ARL15: variants seen among roughly 807,000 people sequenced by gnomAD.
The protein encoded by ARL15 is ADP-ribosylation factor-like protein 15.
In ARL15, 19 loss-of-function variants were observed where a neutral mutation model predicts 25.2. The ratio of observed to expected loss-of-function variants is 0.75; its 90% CI spans 0.53 to 1.10. The LOEUF is 1.10. Ranked by LOEUF, ARL15 falls within the 50% of genes least tolerant of loss-of-function variation. The probability of loss-of-function intolerance (pLI) is 0.00; values close to 1 mark genes in which losing one functional copy is unlikely to be tolerated. For missense variants in ARL15, 220 were observed against 246.0 expected (o/e 0.89, Z 0.71); for synonymous variants, 94 against 86.8 (o/e 1.08, Z -0.46).
chr5:54,179,365 A>T (rs1754980073), intron 1 of ARL15, among the ~76,000 whole-genome samples: 1 of 152,124 alleles, frequency 6.6e-6, no homozygotes, highest in Non-Finnish European at 1.5e-5. Context: ...GAGGAGGTGA[A>T]AGAGTGCTTT....
chr5:54,122,507 A>G (rs1753114064), intron 3 of ARL15, among the ~76,000 whole-genome samples: 1 of 152,274 alleles, frequency 6.6e-6, no homozygotes. Flanking sequence ...GTATACATAC[A>G]CATACATATA....
intron 4 of ARL15, chr5:53,887,359 T>C: frequency 1.4e-6 from 1 of 701,328 alleles, no homozygotes; most frequent in African/African-American, 1.7e-5. Flanking sequence ...TCTACCTTTT[T>C]TTTTCTTTTT....
intron 4 of ARL15, among the ~76,000 whole-genome samples, chr5:53,992,679 CTCTACCATGTTAGATGCCCA>C (rs1005647843): frequency 2.6e-5 from 4 of 152,058 alleles, no homozygotes; most frequent in African/African-American, 9.7e-5. Flanking sequence ...ATGTCATGGA[CTCTACCATGTTAGATGCCCA>C]TCCATCTCAA....
chr5:54,200,192 C>T (rs1755676408), intron 1 of ARL15, among the ~76,000 whole-genome samples: 1 of 151,016 alleles, frequency 6.6e-6, no homozygotes, highest in Non-Finnish European at 1.5e-5. Flanking sequence ...ATACATAATG[C>T]TAGATGACGA....
intron 4 of ARL15, among the ~76,000 whole-genome samples, chr5:54,040,371 C>T (rs1750300282): frequency 1.3e-5 from 2 of 152,230 alleles, no homozygotes; most frequent in East Asian, 1.9e-4. Flanking sequence ...TCAAGTCTAA[C>T]AAGATATTTG....
chr5:53,891,859 A>C (rs563928093), intron 4 of ARL15, among the ~76,000 whole-genome samples: 4 of 152,330 alleles, frequency 2.6e-5, no homozygotes, highest in African/African-American at 7.2e-5. Flanking sequence ...AGAGTGTGAG[A>C]AGGCAGCTCG....
At chr5:54,198,989 G>A (rs1257837492) in intron 1 of ARL15, among the ~76,000 whole-genome samples, 2 of 151,560 alleles carry the variant, frequency 1.3e-5, no homozygotes, top group African/African-American at 2.4e-5. Flanking sequence ...CAGAAATAAT[G>A]CCACATATCT....
chr5:54,206,048 G>C (rs557554033), intron 1 of ARL15, among the ~76,000 whole-genome samples: 1 of 152,070 alleles, frequency 6.6e-6, no homozygotes. Context: ...AATGATACCA[G>C]ATTAAGAGAA....
chr5:54,240,041 C>T, intron 1 of ARL15, among the ~76,000 whole-genome samples: 1 of 152,028 alleles, frequency 6.6e-6, no homozygotes, highest in Non-Finnish European at 1.5e-5. Context: ...TCCTGGCTAA[C>T]ACGGTGAAAC....
chr5:53,927,001 G>A (rs1017027732), intron 4 of ARL15, among the ~76,000 whole-genome samples: 18 of 149,118 alleles, frequency 1.2e-4, no homozygotes, highest in African/African-American at 2.7e-4. Context: ...ATCTTCCTCC[G>A]TTTTAATTTT....
At chr5:54,076,727 C>A (rs1395809919) in intron 4 of ARL15, among the ~76,000 whole-genome samples, 1 of 151,728 alleles carries the variant, frequency 6.6e-6, no homozygotes, top group Admixed American at 6.6e-5. Context: ...AATTACAACA[C>A]TTAAAAGATG....
At chr5:54,100,053 C>G (rs1752392684) in intron 4 of ARL15, among the ~76,000 whole-genome samples, 1 of 152,032 alleles carries the variant, frequency 6.6e-6, no homozygotes, top group Non-Finnish European at 1.5e-5. Context: ...CTTGCATATA[C>G]AAGGAGACAT....
At chr5:53,917,721 T>C (rs573953370) in intron 4 of ARL15, among the ~76,000 whole-genome samples, 11 of 152,304 alleles carry the variant, frequency 7.2e-5, no homozygotes, top group African/African-American at 2.6e-4. Context: ...CCTTTTCTGA[T>C]ACTCAAGCTG....
chr5:54,168,513 G>A (rs1754639133), intron 2 of ARL15, among the ~76,000 whole-genome samples: 2 of 151,478 alleles, frequency 1.3e-5, no homozygotes, highest in South Asian at 4.2e-4. Flanking sequence ...TTTTACAGTA[G>A]CAGTAACATC....
At chr5:54,124,435 C>A (rs1409133902) in intron 3 of ARL15, among the ~76,000 whole-genome samples, 1 of 152,020 alleles carries the variant, frequency 6.6e-6, no homozygotes, top group Non-Finnish European at 1.5e-5. Flanking sequence ...TTCTTATATA[C>A]AAATGACTGA....
intron 4 of ARL15, among the ~76,000 whole-genome samples, chr5:53,983,257 T>C (rs967046017): frequency 3.9e-5 from 6 of 152,228 alleles, no homozygotes. Flanking sequence ...TGCTTTGAGT[T>C]ATCAGGGTGC....
intron 1 of ARL15, among the ~76,000 whole-genome samples, chr5:54,270,357 T>C (rs950788102): frequency 2.0e-5 from 3 of 152,122 alleles, no homozygotes; most frequent in Admixed American, 1.3e-4. Context: ...AGCGCCTTTC[T>C]CTCCTAACTG....
chr5:53,928,182 T>C (rs1170742847), intron 4 of ARL15, among the ~76,000 whole-genome samples: 8 of 152,182 alleles, frequency 5.3e-5, no homozygotes, highest in African/African-American at 1.7e-4. Flanking sequence ...AAGATTCGGA[T>C]AGCTGACTTT....
intron 1 of ARL15, among the ~76,000 whole-genome samples, chr5:54,293,952 A>G (rs1049133350): frequency 2.6e-5 from 4 of 152,116 alleles, no homozygotes; most frequent in African/African-American, 9.7e-5. Context: ...CAGCCTCCCA[A>G]GCAGCTGGGA....
Sources: allele counts gnomAD v4.1 joint callset (sites outside exome capture counted in the v4.1 genomes callset), GRCh38; gene constraint gnomAD v4.1.1; transcripts MANE v1.5; gene names NCBI Gene and HGNC (gene_info 2026-07-23, HGNC 2026-07-21).